TCF4: variants seen among roughly 807,000 people sequenced by gnomAD.
The protein encoded by TCF4 is transcription factor 4, also known as SL3-3 enhancer factor 2.
Under a neutral mutation model 82.1 loss-of-function variants are expected in TCF4, and 3 were observed. That is an observed-to-expected ratio of 0.04 (90% confidence interval 0.02 to 0.09). The LOEUF is 0.09. Ranked by LOEUF, TCF4 falls within the 10% of genes least tolerant of loss-of-function variation. The pLI is 1.00. For synonymous variants in TCF4, 276 were observed against 309.6 expected, an observed-to-expected ratio of 0.89 and a Z score of 1.14; for missense variants, 518 against 852.7, an observed-to-expected ratio of 0.61 and a Z score of 4.89.
intron 17 of TCF4, chr18:55,231,832 T>G (rs942007360): frequency 6.6e-6 from 1 of 152,260 alleles, no homozygotes. Flanking sequence ...TTAGGACAAT[T>G]GGTTGAATTT....
chr18:55,572,183 A>T (rs932808324), intron 3 of TCF4, among the ~76,000 whole-genome samples: 4 of 152,202 alleles, frequency 2.6e-5, no homozygotes, highest in Non-Finnish European at 4.4e-5. Flanking sequence ...TCATAGAACC[A>T]ACTCTCACTA....
intron 15 of TCF4, among the ~76,000 whole-genome samples, chr18:55,238,416 T>C (rs553643968): frequency 6.6e-6 from 1 of 152,348 alleles, no homozygotes; most frequent in African/African-American, 2.4e-5. Flanking sequence ...AAACATTTTC[T>C]AATCTAGCTC....
chr18:55,471,584 T>A (rs2096180889), intron 3 of TCF4, among the ~76,000 whole-genome samples: 1 of 152,034 alleles, frequency 6.6e-6, no homozygotes. Flanking sequence ...CTGGGCAACA[T>A]GGTAAAACCC....
At chr18:55,538,067 C>T (rs1433504757) in intron 3 of TCF4, among the ~76,000 whole-genome samples, 2 of 150,242 alleles carry the variant, frequency 1.3e-5, no homozygotes, top group African/African-American at 2.5e-5. Flanking sequence ...CACACACACA[C>T]GTCATTAGTT....
chr18:55,322,400 G>A (rs1568992395), intron 8 of TCF4: 3 of 450,756 alleles, frequency 6.7e-6, no homozygotes, highest in Middle Eastern at 1.4e-3. Flanking sequence ...TCGACTCGGA[G>A]AAAGGGGAGG....
At chr18:55,614,994 G>GA (rs775808153) in intron 2 of TCF4, among the ~76,000 whole-genome samples, 37 of 151,986 alleles carry the variant, frequency 2.4e-4, no homozygotes. Context: ...ATCATTGGTG[G>GA]AAAAAAGTGA....
intron 5 of TCF4, among the ~76,000 whole-genome samples, chr18:55,435,815 C>T (rs1162177227): frequency 6.6e-6 from 1 of 152,216 alleles, no homozygotes; most frequent in Non-Finnish European, 1.5e-5. Flanking sequence ...TTTCTCTGTG[C>T]TATGTCCCTC....
Position 55,361,926 on chromosome 18 carries a change from C to T in TCF4, c.370-10923G>A, listed in dbSNP as rs573394765. ...GGCAGAAATAACTGAAGTATCCACC[C>T]GAGATTATCTGAAAAATATTCGAAG... On this transcript the variant is annotated intron_variant, in intron 6 of 19. Transcript: ENST00000354452. Among the ~76,000 whole-genome samples, 169 of 152,242 alleles carry T rather than the reference C, an allele frequency of 1.1e-3. 1 individual carries two copies. The highest frequency in any genetic ancestry group is 2.2e-3 in the Admixed American group (33 of 15,282).
chr18:55,498,074 C>T (rs2096657393), intron 3 of TCF4, among the ~76,000 whole-genome samples: 1 of 152,206 alleles, frequency 6.6e-6, no homozygotes, highest in Non-Finnish European at 1.5e-5. Flanking sequence ...CAAGTGTTTC[C>T]TTCCCTGGGA....
At chr18:55,356,513 C>G (rs2083559529) in intron 6 of TCF4, among the ~76,000 whole-genome samples, 1 of 152,154 alleles carries the variant, frequency 6.6e-6, no homozygotes, top group African/African-American at 2.4e-5. Flanking sequence ...GAGCAAACTG[C>G]TACTGTTAAT....
chr18:55,536,020 T>G (rs1174308047), intron 3 of TCF4, among the ~76,000 whole-genome samples: 2 of 152,206 alleles, frequency 1.3e-5, no homozygotes, highest in African/African-American at 4.8e-5. Flanking sequence ...ATATTTTACA[T>G]AAAACTGTAC....
intron 3 of TCF4, among the ~76,000 whole-genome samples, chr18:55,522,637 A>T (rs940146593): frequency 6.6e-6 from 1 of 152,172 alleles, no homozygotes; most frequent in Non-Finnish European, 1.5e-5. Context: ...TGTAGACGAC[A>T]AACTTGAAAA....
intron 2 of TCF4, among the ~76,000 whole-genome samples, chr18:55,598,420 G>A (rs2097693415): frequency 6.6e-6 from 1 of 152,102 alleles, no homozygotes; most frequent in African/African-American, 2.4e-5. Context: ...TAAGTTCTGG[G>A]ATACATGCAC....
chr18:55,605,500 A>G (rs2097701428), intron 2 of TCF4, among the ~76,000 whole-genome samples: 2 of 152,196 alleles, frequency 1.3e-5, no homozygotes, highest in South Asian at 4.2e-4. Context: ...CTGTTCTTCA[A>G]ACTGAGTAAA....
intron 3 of TCF4, among the ~76,000 whole-genome samples, chr18:55,525,818 T>C (rs1184773587): frequency 6.6e-6 from 1 of 152,098 alleles, no homozygotes; most frequent in African/African-American, 2.4e-5. Flanking sequence ...GTGCTGGATA[T>C]CCATGTGGGC....
intron 8 of TCF4, among the ~76,000 whole-genome samples, chr18:55,324,547 T>A (rs2147591768): frequency 6.6e-6 from 1 of 152,314 alleles, no homozygotes; most frequent in Non-Finnish European, 1.5e-5. Flanking sequence ...GAAGTCTTAA[T>A]CTTAAGCAGC....
intron 2 of TCF4, among the ~76,000 whole-genome samples, chr18:55,618,400 A>T (rs2036545823): frequency 6.6e-6 from 1 of 152,028 alleles, no homozygotes; most frequent in Non-Finnish European, 1.5e-5. Context: ...ACTTGTTCAT[A>T]ATTGTCTTTT....
intron 2 of TCF4, among the ~76,000 whole-genome samples, chr18:55,612,262 GC>G (rs1004161560): frequency 3.3e-5 from 5 of 152,138 alleles, no homozygotes; most frequent in Non-Finnish European, 5.9e-5. Flanking sequence ...GGAATGATGG[GC>G]ACTCTTGAAT....
intron 3 of TCF4, among the ~76,000 whole-genome samples, chr18:55,571,479 A>G (rs1456974534): frequency 6.6e-6 from 1 of 152,194 alleles, no homozygotes. Context: ...TGGATCTGAC[A>G]TTGCTCCAGT....
Sources: allele counts gnomAD v4.1 joint callset (sites outside exome capture counted in the v4.1 genomes callset), GRCh38; gene constraint gnomAD v4.1.1; transcripts MANE v1.5; gene names NCBI Gene and HGNC (gene_info 2026-07-23, HGNC 2026-07-21).